EPCAM: variants seen among roughly 807,000 people sequenced by gnomAD.
EPCAM encodes adenocarcinoma-associated antigen.
EPCAM carries 39 observed loss-of-function variants against 40.0 expected under a neutral mutation model. The observed-to-expected ratio is 0.98, with a 90% CI of 0.76 to 1.27. The LOEUF is 1.27. EPCAM is among the 50% of genes most tolerant of loss of function. EPCAM has a pLI of 0.00. For synonymous variants in EPCAM, 168 were observed against 132.3 expected, an observed-to-expected ratio of 1.27 and a Z score of -1.85; for missense variants, 503 against 381.2, an observed-to-expected ratio of 1.32 and a Z score of -2.66.
chr2:47,383,314 A>G (rs1410773326), intron 7 of EPCAM: 1 of 154,490 alleles, frequency 6.5e-6, no homozygotes, highest in Non-Finnish European at 1.4e-5. Flanking sequence ...TGAAAAAAAA[A>G]AAAAAAAGAA....
In EPCAM at chr2:47,373,873, C is replaced by T. The variant is rs139208605; in HGVS notation, c.250C>T (p.Pro84Ser). 37 of 1,613,864 alleles carry T rather than the reference C, an allele frequency of 2.3e-5. No homozygotes were observed. In the East Asian group the frequency reaches 7.4e-4, roughly 32 times the overall value. Residue 84 changes from proline (P) to serine (S), a missense_variant, in exon 3 of 9, where the codon CCT (proline) becomes TCT (serine). Physicochemically the swap from Pro to Ser is moderately conservative, Grantham distance 74. Coordinates refer to ENST00000263735, the MANE Select transcript of EPCAM (RefSeq NM_002354.3). The stretch of plus-strand genomic sequence containing the variant: ...CTCAAAACTTGGGAGAAGAGCAAAA[C>T]CTGAAGGGGCCCTCCAGAACAATGA... ...NGSKLGRRAK[P>S]EGALQNNDGL...
chr2:47,379,191 C>G, intron 6 of EPCAM, 137 bp downstream of exon 6: 1 of 667,456 alleles, frequency 1.5e-6, no homozygotes. Context: ...TTTGTCCTCC[C>G]TGTCACTCAC....
chr2:47,377,533 G>A (rs968446457), intron 5 of EPCAM: 1 of 239,552 alleles, frequency 4.2e-6, no homozygotes, highest in Non-Finnish European at 8.3e-6. Flanking sequence ...CACCACGCCC[G>A]GCCCATTGTT....
chr2:47,369,819 T>G, intron 1 of EPCAM: 1 of 655,956 alleles, frequency 1.5e-6, no homozygotes, highest in South Asian at 1.5e-5. Flanking sequence ...GGTAGGGAAA[T>G]GGCCTTGGGC....
intron 3 of EPCAM, 108 bp downstream of exon 3, chr2:47,374,156 T>A: frequency 7.4e-7 from 1 of 1,353,884 alleles, no homozygotes; most frequent in Non-Finnish European, 1.0e-6. Context: ...TCAGAAGATA[T>A]GAGTGTCCAG....
intron 5 of EPCAM, among the ~76,000 whole-genome samples, chr2:47,378,540 G>T (rs1420579857): frequency 6.6e-6 from 1 of 152,002 alleles, no homozygotes; most frequent in Non-Finnish European, 1.5e-5. Context: ...GACCTCAGGT[G>T]ATCCGCCCAC....
At chr2:47,370,615 C>T (rs1280023636) in intron 1 of EPCAM, among the ~76,000 whole-genome samples, 1 of 152,062 alleles carries the variant, frequency 6.6e-6, no homozygotes, top group Non-Finnish European at 1.5e-5. Flanking sequence ...TTCTGTCACC[C>T]AGGCTGGAGT....
In EPCAM at chr2:47,375,237, G is replaced by T. The variant is rs878854488; in HGVS notation, c.429G>T (p.Trp143Cys). The T allele has an allele frequency of 1.2e-6, 2 of 1,605,408 alleles. No homozygotes were observed. The highest frequency in any genetic ancestry group is 2.2e-5 in the South Asian group (2 of 90,846). ...ITCSERVRTY[W>C]IIIELKHKAR... The stretch of plus-strand genomic sequence containing the variant: ...ACATTGTCTTTTTACTTTATAGCTG[G>T]ATCATCATTGAACTAAAACACAAAG... The change falls in exon 4 of 9, where the codon TGG (tryptophan) becomes TGT (cysteine). Residue 143 changes from tryptophan to cysteine, a missense_variant. Physicochemically the swap from Trp to Cys is radical, Grantham distance 215. Transcript: ENST00000263735.
chr2:47,385,318 T>C (rs570960657), intron 8 of EPCAM, 108 bp downstream of exon 8: 6 of 909,398 alleles, frequency 6.6e-6, no homozygotes, highest in South Asian at 2.6e-5. Flanking sequence ...AGTCCCTTTA[T>C]ACTGTTGTCT....
chr2:47,369,697 C>G (rs773832274), intron 1 of EPCAM, 116 bp downstream of exon 1: 1 of 1,115,432 alleles, frequency 9.0e-7, no homozygotes, highest in Non-Finnish European at 1.3e-6. Flanking sequence ...GCCGCGCTTT[C>G]CAGCGTGGAG....
At chr2:47,371,166 G>T (rs1045222167) in intron 1 of EPCAM, among the ~76,000 whole-genome samples, 1 of 152,166 alleles carries the variant, frequency 6.6e-6, no homozygotes, top group African/African-American at 2.4e-5. Context: ...ATTTAAAATG[G>T]TGACTGGTAT....
chr2:47,384,699 G>T (rs187078648), intron 7 of EPCAM, among the ~76,000 whole-genome samples: 5 of 151,138 alleles, frequency 3.3e-5, no homozygotes, highest in Admixed American at 6.6e-5. Flanking sequence ...GAGCCACCAC[G>T]CCCAGCCCAC....
intron 7 of EPCAM, among the ~76,000 whole-genome samples, chr2:47,383,607 CT>C (rs760722807): frequency 2.2e-4 from 8 of 36,466 alleles, no homozygotes; most frequent in South Asian, 1.1e-3. Context: ...CCGGCTTCTT[CT>C]TTTTTTTTTT....
At chr2:47,370,285 T>A (rs1156493720) in intron 1 of EPCAM, among the ~76,000 whole-genome samples, 1 of 152,204 alleles carries the variant, frequency 6.6e-6, no homozygotes, top group East Asian at 1.9e-4. Context: ...TTTATTTAAT[T>A]TTTTGAGACT....
Position 47,373,788 on chromosome 2 carries a change from C to T in EPCAM, c.185-20C>T, listed in dbSNP as rs2103746863. ...TGAAATCAGTTATTTTTCAGTTTGG[C>T]ATTAAGGTTTCTTTTTCAGTGGCTG... On this transcript the variant is annotated intron_variant, in intron 2 of 8. Coordinates refer to ENST00000263735, the MANE Select transcript of EPCAM (RefSeq NM_002354.3). 1 of 1,613,710 alleles carries T rather than the reference C, an allele frequency of 6.2e-7. No homozygotes were observed. The highest frequency in any genetic ancestry group is 8.5e-7 in the Non-Finnish European group (1 of 1,179,882).
chr2:47,373,397 A>G, intron 1 of EPCAM, 66 bp from the exon 2 acceptor site: 2 of 983,548 alleles, frequency 2.0e-6, no homozygotes, highest in Non-Finnish European at 3.1e-6. Context: ...TTACAATATA[A>G]CTTAGCTGGG....
chr2:47,374,708 A>G (rs972654277), intron 3 of EPCAM, among the ~76,000 whole-genome samples: 7 of 151,886 alleles, frequency 4.6e-5, no homozygotes, highest in Non-Finnish European at 1.0e-4. Flanking sequence ...CAGTGGCACA[A>G]TCTCAGCTCA....
At chr2:47,375,974 A>G (rs569847789) in intron 4 of EPCAM, among the ~76,000 whole-genome samples, 1 of 152,104 alleles carries the variant, frequency 6.6e-6, no homozygotes, top group East Asian at 1.9e-4. Flanking sequence ...AAAGTGCTGC[A>G]ATTACAGGTG....
At chr2:47,382,263 G>A (rs1336179992) in intron 7 of EPCAM, among the ~76,000 whole-genome samples, 2 of 152,182 alleles carry the variant, frequency 1.3e-5, no homozygotes, top group African/African-American at 2.4e-5. Context: ...GGGATAGACA[G>A]TTAATAGAAA....
Sources: allele counts gnomAD v4.1 joint callset (sites outside exome capture counted in the v4.1 genomes callset), GRCh38; gene constraint gnomAD v4.1.1; transcripts MANE v1.5; gene names NCBI Gene and HGNC (gene_info 2026-07-23, HGNC 2026-07-21).